SUSD1: variants seen among roughly 807,000 people sequenced by gnomAD.
SUSD1 encodes the protein sushi domain-containing protein 1.
Under a neutral mutation model 86.9 loss-of-function variants are expected in SUSD1, and 65 were observed. The ratio of observed to expected loss-of-function variants is 0.75; its 90% CI spans 0.61 to 0.92. The LOEUF (loss-of-function observed/expected upper bound fraction) is 0.92, where lower values mean the gene tolerates loss of function less well. Among genes scored for constraint, SUSD1 ranks in the 40% least tolerant of loss-of-function variants. The pLI is 0.00. For missense variants in SUSD1, 850 were observed against 929.7 expected (o/e 0.91, Z 1.11); for synonymous variants, 346 against 350.0 (o/e 0.99, Z 0.13).
intron 14 of SUSD1, among the ~76,000 whole-genome samples, chr9:112,054,113 ACT>A (rs1177704015): frequency 1.3e-5 from 2 of 152,194 alleles, no homozygotes. Flanking sequence ...GCATTGGAAG[ACT>A]CACACTCCCT....
chr9:112,140,161 G>A (rs1434640878), intron 5 of SUSD1, among the ~76,000 whole-genome samples: 2 of 127,284 alleles, frequency 1.6e-5, no homozygotes, highest in African/African-American at 3.8e-5. Flanking sequence ...AGGAGATCGA[G>A]ACCATCCTGG....
intron 15 of SUSD1, among the ~76,000 whole-genome samples, chr9:112,047,205 A>C (rs952292886): frequency 6.6e-6 from 1 of 152,162 alleles, no homozygotes; most frequent in Non-Finnish European, 1.5e-5. Context: ...ACATGGCCAG[A>C]GCAGGAGAGA....
chr9:112,069,455 T>C (rs1157574422), intron 12 of SUSD1, among the ~76,000 whole-genome samples: 2 of 152,250 alleles, frequency 1.3e-5, no homozygotes, highest in East Asian at 1.9e-4. Context: ...TGGATTCCTG[T>C]GGCAGTGATG....
intron 10 of SUSD1, among the ~76,000 whole-genome samples, chr9:112,081,019 C>A (rs1297656614): frequency 1.3e-5 from 2 of 152,152 alleles, no homozygotes; most frequent in Non-Finnish European, 2.9e-5. Context: ...TCATAGTAAT[C>A]AATCTAAAAG....
chr9:112,137,710 G>T (rs1162156351), intron 5 of SUSD1: 1 of 152,072 alleles, frequency 6.6e-6, no homozygotes, highest in Non-Finnish European at 1.5e-5. Context: ...TCTTAATTAT[G>T]CAATAAATTC....
At chr9:112,101,608 G>A (rs1830637458) in intron 9 of SUSD1, among the ~76,000 whole-genome samples, 1 of 151,862 alleles carries the variant, frequency 6.6e-6, no homozygotes, top group South Asian at 2.1e-4. Flanking sequence ...CACTTTGGGA[G>A]GCCGAGGAGG....
At chr9:112,070,035 C>T (rs1238523469) in intron 12 of SUSD1, among the ~76,000 whole-genome samples, 2 of 152,086 alleles carry the variant, frequency 1.3e-5, no homozygotes, top group African/African-American at 4.8e-5. Flanking sequence ...GATGGAGTTT[C>T]GCTCTTGTCG....
intron 12 of SUSD1, among the ~76,000 whole-genome samples, chr9:112,063,452 A>C (rs191067045): frequency 6.8e-4 from 103 of 152,290 alleles, no homozygotes; most frequent in Admixed American, 3.3e-3. Context: ...TGTGATGTGT[A>C]TTTTGCCACA....
chr9:112,084,856 T>C (rs542346568), intron 10 of SUSD1, among the ~76,000 whole-genome samples: 5 of 152,312 alleles, frequency 3.3e-5, no homozygotes, highest in Admixed American at 6.5e-5. Flanking sequence ...AAACCAGAAC[T>C]GCAAGAATGC....
At chr9:112,095,164 A>G (rs1830343695) in intron 10 of SUSD1, among the ~76,000 whole-genome samples, 1 of 152,246 alleles carries the variant, frequency 6.6e-6, no homozygotes, top group South Asian at 2.1e-4. Context: ...CTTTCTCTAC[A>G]GAGACCTCGG....
chr9:112,099,010 C>T (rs1394631174), intron 9 of SUSD1, among the ~76,000 whole-genome samples: 2 of 132,536 alleles, frequency 1.5e-5, no homozygotes, highest in Non-Finnish European at 3.1e-5. Context: ...CTTCTGAATA[C>T]TTCGTTCTCT....
chr9:112,114,850 C>A (rs1259444464), intron 6 of SUSD1, among the ~76,000 whole-genome samples: 1 of 152,168 alleles, frequency 6.6e-6, no homozygotes, highest in African/African-American at 2.4e-5. Context: ...GGCTGTCCAA[C>A]AAAGACTTAG....
intron 11 of SUSD1, 87 bp from the exon 12 acceptor site, chr9:112,078,811 C>A: frequency 4.5e-5 from 29 of 640,342 alleles, no homozygotes; most frequent in Non-Finnish European, 6.0e-5. Context: ...TTTTCTTTCT[C>A]TTTTTTTTTT....
chr9:112,058,852 G>A (rs1313524500), intron 13 of SUSD1, among the ~76,000 whole-genome samples, 166 bp from the exon 14 acceptor site: 2 of 152,022 alleles, frequency 1.3e-5, no homozygotes, highest in African/African-American at 2.4e-5. Context: ...GGAGTACAGT[G>A]GTGCAATCTC....
chr9:112,078,807 T>TTC lies in SUSD1; in HGVS notation c.1567-85_1567-84dup, dbSNP rs1294678939. 273 of 1,176,698 alleles carry TTC rather than the reference T, an allele frequency of 2.3e-4. 1 individual carries two copies. The South Asian group carries it at 4.0e-3, about 17-fold the overall frequency. 72.9% of individuals were successfully genotyped at this position (1,176,698 alleles called of 1,614,324 possible). On this transcript the variant is annotated intron_variant, in intron 11 of 16. Transcript: ENST00000374270. ...TGAAACCTCCCCTTTTCCTTTTTCT[T>TTC]TCTCTTTTTTTTTTTTTTTTTTTGA... is the stretch of plus-strand genomic sequence containing the variant.
chr9:112,108,329 CTT>C (rs757233975), intron 8 of SUSD1, among the ~76,000 whole-genome samples: 2 of 152,098 alleles, frequency 1.3e-5, no homozygotes, highest in Admixed American at 1.3e-4. Flanking sequence ...ACATTAAAGA[CTT>C]TTATTATCAA....
At position 112,140,293 on chromosome 9, in the gene SUSD1, C is replaced by T. The variant is rs1241478024; in HGVS notation, c.706+2027G>A. Among the ~76,000 whole-genome samples the T allele has an allele frequency of 1.2e-4, 16 of 130,640 alleles. 6 individuals are homozygous for T. The highest frequency in any genetic ancestry group is 6.8e-3 in the Middle Eastern group (2 of 292). 85.7% of individuals were successfully genotyped at this position (130,640 alleles called of 152,430 possible). On this transcript the variant is annotated intron_variant, in intron 5 of 16. Coordinates refer to ENST00000374270, the MANE Select transcript of SUSD1 (RefSeq NM_022486.5). Reference sequence around the variant, plus strand: ...AGGAGAATGGCGTGAACCCGGGAAGCGGAGCTTGCCGTGAGCCGAGATTGC... The same window carrying T: ...AGGAGAATGGCGTGAACCCGGGAAGTGGAGCTTGCCGTGAGCCGAGATTGC...
rs778916138 is a variant in SUSD1 at position 112,143,634 on chromosome 9, A to C, written c.374-11T>G. The C allele has an allele frequency of 6.9e-6, 11 of 1,595,616 alleles. No homozygotes were observed. Among genetic ancestry groups the C allele is most frequent in the Non-Finnish European group, 9.4e-6 (11 of 1,173,108 alleles). On this transcript the variant is annotated splice_polypyrimidine_tract_variant and intron_variant, in intron 3 of 16. Coordinates refer to ENST00000374270, the MANE Select transcript of SUSD1 (RefSeq NM_022486.5). ...CACACTCATCTATGTCTTGGGACCC[A>C]ATCCAAATAGAGAAAAGGAGATAAA...
intron 12 of SUSD1, among the ~76,000 whole-genome samples, chr9:112,068,757 G>A (rs975391995): frequency 2.2e-4 from 33 of 151,740 alleles, no homozygotes; most frequent in Admixed American, 4.6e-4. Flanking sequence ...ACAACTTAGA[G>A]AGCTGATCAA....
Sources: allele counts gnomAD v4.1 joint callset (sites outside exome capture counted in the v4.1 genomes callset), GRCh38; gene constraint gnomAD v4.1.1; transcripts MANE v1.5; gene names NCBI Gene and HGNC (gene_info 2026-07-23, HGNC 2026-07-21).